Variants in SUPT5H observed in about 807,000 individuals in gnomAD.
The protein encoded by SUPT5H is transcription elongation factor SPT5.
SUPT5H carries 24 observed loss-of-function variants against 142.5 expected under a neutral mutation model. The ratio of observed to expected loss-of-function variants is 0.17; its 90% confidence interval spans 0.12 to 0.24. SUPT5H has a LOEUF of 0.24. Ranked by LOEUF, SUPT5H falls within the 10% of genes least tolerant of loss-of-function variation. SUPT5H has a pLI of 1.00. For missense variants in SUPT5H, 893 were observed against 1,471.8 expected (o/e 0.61, Z 6.43); for synonymous variants, 546 against 553.0 (o/e 0.99, Z 0.18).
At chr19:39,468,584 G>A (rs1459986055) in intron 13 of SUPT5H, 172 bp from the exon 14 acceptor site, 3 of 609,130 alleles carry the variant, frequency 4.9e-6, no homozygotes, top group South Asian at 1.9e-5. Context: ...GGTGGGAGGC[G>A]GGCCTTTGGG....
chr19:39,458,252 ACCAC>A lies in SUPT5H; in HGVS notation c.308-40_308-37del. On this transcript the variant is annotated intron_variant, in intron 4 of 29. Transcript: ENST00000432763. This position sits in a 1 kb window ranked among gnomAD's most constrained non-coding sequence, Gnocchi z 4.2. Reference sequence around the variant, plus strand: ...CTCGCCCACCACCACCACCACCACCACCACCACCACCACCACCACCACCTCCTCT... The same window carrying A: ...CTCGCCCACCACCACCACCACCACCACACCACCACCACCACCACCTCCTCT... The A allele has an allele frequency of 1.3e-6, 1 of 761,952 alleles. No individual in the cohort carries two copies. 47.2% of individuals were successfully genotyped at this position (761,952 alleles called of 1,614,324 possible). A position where few individuals can be genotyped will look rare whatever the true frequency, so the allele number is the denominator to read the frequency against.
intron 14 of SUPT5H, 74 bp downstream of exon 14, chr19:39,468,935 G>T (rs982395375): frequency 3.2e-6 from 5 of 1,557,492 alleles, no homozygotes; most frequent in Non-Finnish European, 3.5e-6. Flanking sequence ...CTGGGCTGTG[G>T]GTTATCTGGT....
chr19:39,458,135 T>A lies in SUPT5H; in HGVS notation c.308-159T>A. On this transcript the variant is annotated intron_variant, in intron 4 of 29. Coordinates refer to ENST00000432763, the MANE Select transcript of SUPT5H (RefSeq NM_001111020.3). This position sits in a 1 kb window ranked among gnomAD's most constrained non-coding sequence, Gnocchi z 4.2. Reference sequence around the variant, plus strand: ...AACCACCTGGTGCCTGGCCTTTACTTTTGGTTTTCAACCTTTCTGTGTCCC... The same window carrying A: ...AACCACCTGGTGCCTGGCCTTTACTATTGGTTTTCAACCTTTCTGTGTCCC... 7.7e-7 allele frequency: 1 copy of A among 1,296,116 alleles called. No individual in the cohort carries two copies. The highest frequency in any genetic ancestry group is 1.0e-6 in the Non-Finnish European group (1 of 961,422). The allele number at this position is 1,296,116 out of a possible 1,614,324, so 80.3% of individuals were successfully genotyped here.
At chr19:39,446,786 C>T (rs1202153299) in intron 2 of SUPT5H, among the ~76,000 whole-genome samples, 1 of 152,210 alleles carries the variant, frequency 6.6e-6, no homozygotes, top group Admixed American at 6.5e-5. Flanking sequence ...GACAGTGGAT[C>T]ACCTGAGGTC....
chr19:39,456,664 C>G (rs1389822512), intron 3 of SUPT5H, among the ~76,000 whole-genome samples: 1 of 151,994 alleles, frequency 6.6e-6, no homozygotes, highest in African/African-American at 2.4e-5. Context: ...ATGATCCACC[C>G]GCCTCGGCCT....
chr19:39,454,196 T>C (rs936122401), intron 3 of SUPT5H, among the ~76,000 whole-genome samples: 4 of 152,196 alleles, frequency 2.6e-5, no homozygotes, highest in Non-Finnish European at 2.9e-5. Context: ...TTGTATGTAA[T>C]TGATGTAAAT....
chr19:39,456,235 C>CTT (rs879431352), intron 3 of SUPT5H, among the ~76,000 whole-genome samples: 1 of 135,300 alleles, frequency 7.4e-6, no homozygotes. Context: ...TTTCTTTTTT[C>CTT]TTTTTTTTTT....
chr19:39,445,852 A>T lies in SUPT5H; in HGVS notation c.-39A>T. On this transcript the variant is annotated 5_prime_UTR_variant, in exon 2 of 30. Coordinates refer to ENST00000432763, the MANE Select transcript of SUPT5H (RefSeq NM_001111020.3). ...TCGGGGTGGAGCGCAGGATTGTGGGACGCGCCAAGGCTGCTGTCTTTCCCA... is the reference window on the plus strand; with the variant it reads ...TCGGGGTGGAGCGCAGGATTGTGGGTCGCGCCAAGGCTGCTGTCTTTCCCA... 1 of 1,607,784 alleles carries T rather than the reference A, an allele frequency of 6.2e-7. No homozygotes were observed. Among genetic ancestry groups the T allele is most frequent in the Non-Finnish European group, 8.5e-7 (1 of 1,177,622 alleles).
chr19:39,475,099 G>A, intron 28 of SUPT5H: 1 of 286,684 alleles, frequency 3.5e-6, no homozygotes, highest in South Asian at 3.6e-5. Context: ...GAGCCAAAGG[G>A]GGCCAAGCAG....
chr19:39,476,282 G>A lies in SUPT5H; in HGVS notation c.3147G>A (p.Arg1049=), dbSNP rs138749129. ...NKVKVILGED[R]EATGVLLSID... ...TGAAAGTGATCCTGGGCGAGGATCG[G>A]GAAGCCACGGGCGTCCTACTGAGCA... The change falls in exon 30 of 30, where the codon CGG becomes CGA. Residue 1049 remains arginine, a synonymous_variant. Transcript: ENST00000432763. 4.4e-4 allele frequency: 715 copies of A among 1,614,100 alleles called. 3 individuals are homozygous for A. The African/African-American group carries it at 8.7e-3, about 20-fold the overall frequency.
chr19:39,464,730 G>A (rs1262513492), intron 10 of SUPT5H, 68 bp from the exon 11 acceptor site: 3 of 1,530,816 alleles, frequency 2.0e-6, no homozygotes, highest in Non-Finnish European at 2.6e-6. Flanking sequence ...CTGCTGATGA[G>A]TGGCAGTCAT....
At position 39,458,394 on chromosome 19, in the gene SUPT5H, TC is replaced by T. The variant is rs1379610549; in HGVS notation, c.319+93del. On this transcript the variant is annotated intron_variant, in intron 5 of 29. Transcript: ENST00000432763. The surrounding 1 kb of genome is among the most constrained non-coding windows in gnomAD (Gnocchi z 4.2). ...GAGGCACCTGCCCTCACCGGTAGCC[TC>T]CCCACCAGCCCCGGTCTGGCCCTGA... 1.3e-6 allele frequency: 2 copies of T among 1,593,878 alleles called. No individual in the cohort carries two copies. The highest frequency in any genetic ancestry group is 2.2e-5 in the East Asian group (1 of 44,796).
intron 28 of SUPT5H, 173 bp from the exon 29 acceptor site, chr19:39,475,908 C>A: frequency 1.6e-6 from 1 of 615,878 alleles, no homozygotes. Context: ...CCCTGTCCAC[C>A]CTGACATGCA....
chr19:39,450,616 T>C (rs1020987887), intron 2 of SUPT5H, among the ~76,000 whole-genome samples: 6 of 152,222 alleles, frequency 3.9e-5, no homozygotes, highest in Admixed American at 1.3e-4. Context: ...TGGCTGAAGC[T>C]GAGCAGGGGA....
At position 39,453,448 on chromosome 19, in the gene SUPT5H, GGAA is replaced by G; in HGVS notation, c.171_173del (p.Glu61del). Reference sequence around the variant, plus strand: ...AGGAAGAGGAGGAGGAATACGATGAGGAAGAGGAGGAAGAAGATGATGACCGAC... The same window carrying G: ...AGGAAGAGGAGGAGGAATACGATGAGGAGGAGGAAGAAGATGATGACCGAC... On this transcript the variant is annotated inframe_deletion, in exon 3 of 30. Coordinates refer to ENST00000432763, the MANE Select transcript of SUPT5H (RefSeq NM_001111020.3). 6.4e-7 allele frequency: 1 copy of G among 1,558,310 alleles called. No individual in the cohort carries two copies. Among genetic ancestry groups the G allele is most frequent in the South Asian group, 1.2e-5 (1 of 84,574 alleles).
In SUPT5H at chr19:39,459,205, G is replaced by A. The variant is rs370828040; in HGVS notation, c.480G>A (p.Glu160=). ...TCAGGGTGTATGGAGGATCTGATGA[G>A]CTCTCAGACGACATCACCCAGCAGC... ...VGETVYGGSD[E]LSDDITQQQL... is the part of the protein sequence containing the mutation. The change falls in exon 8 of 30, where the codon GAG becomes GAA. Residue 160 remains glutamate (E), a synonymous_variant. Transcript: ENST00000432763. 7.3e-4 allele frequency: 1,153 copies of A among 1,579,820 alleles called. 23 individuals are homozygous for A. In the South Asian group the frequency reaches 0.012, roughly 17 times the overall value.
chr19:39,472,487 G>A lies in SUPT5H; in HGVS notation c.2029G>A (p.Ala677Thr). The change falls in exon 21 of 30, where the codon GCT becomes ACT. Residue 677 changes from alanine (A) to threonine (T), a missense_variant. This residue lies in a region of SUPT5H where 35 missense variants were observed against 29.7 expected (regional missense o/e 1.18). Coordinates refer to ENST00000432763, the MANE Select transcript of SUPT5H (RefSeq NM_001111020.3). The surrounding 1 kb of genome is among the most constrained non-coding windows in gnomAD (Gnocchi z 4.2). ...GATCAGCAGCCCCATGCACCCCAGT[G>A]CTGGAGGTGAGAGGGGTTCAGGGTC... is the stretch of plus-strand genomic sequence containing the variant. Reference protein sequence around the residue: ...PRISSPMHPSAGGQRGGFGSP... With the variant: ...PRISSPMHPSTGGQRGGFGSP... The A allele has an allele frequency of 6.2e-7, 1 of 1,614,000 alleles. No individual in the cohort carries two copies. Among genetic ancestry groups the A allele is most frequent in the Non-Finnish European group, 8.5e-7 (1 of 1,179,964 alleles).
intron 3 of SUPT5H, among the ~76,000 whole-genome samples, chr19:39,454,791 G>A (rs1413662835): frequency 2.0e-5 from 3 of 152,186 alleles, no homozygotes; most frequent in African/African-American, 7.2e-5. Context: ...TCCTGCCTCT[G>A]TTTTCCTGGG....
In SUPT5H at chr19:39,458,527, G is replaced by A. The variant is rs1042841298; in HGVS notation, c.319+222G>A. ...TGTGTCTGTCTGGGACTGAGCATTTGTGGGTGGTAGCGATGTGTGGGGTGG... is the reference window on the plus strand; with the variant it reads ...TGTGTCTGTCTGGGACTGAGCATTTATGGGTGGTAGCGATGTGTGGGGTGG... On this transcript the variant is annotated intron_variant, in intron 5 of 29. Coordinates refer to ENST00000432763, the MANE Select transcript of SUPT5H (RefSeq NM_001111020.3). This position sits in a 1 kb window ranked among gnomAD's most constrained non-coding sequence, Gnocchi z 4.2. 3.3e-6 allele frequency: 3 copies of A among 907,262 alleles called. No individual in the cohort carries two copies. The highest frequency in any genetic ancestry group is 5.0e-6 in the Non-Finnish European group (3 of 597,066). The allele number at this position is 907,262 out of a possible 1,614,324, so 56.2% of individuals were successfully genotyped here.
Sources: allele counts gnomAD v4.1 joint callset (sites outside exome capture counted in the v4.1 genomes callset), GRCh38; gene constraint gnomAD v4.1.1; regional missense constraint gnomAD v4.1.1; non-coding constraint Gnocchi (gnomAD v3.1); transcripts MANE v1.5; gene names NCBI Gene and HGNC (gene_info 2026-07-23, HGNC 2026-07-21).